UBR1: variants seen among roughly 807,000 people sequenced by gnomAD.
The protein encoded by UBR1 is ubiquitin protein ligase E3 component n-recognin 1.
In UBR1, 102 loss-of-function variants were observed where a neutral mutation model predicts 242.1. The ratio of observed to expected loss-of-function variants is 0.42; its 90% CI spans 0.36 to 0.50. UBR1 has a LOEUF of 0.50. Ranked by LOEUF, UBR1 falls within the 20% of genes least tolerant of loss-of-function variation. The probability of loss-of-function intolerance (pLI) is 0.01; values close to 1 mark genes in which losing one functional copy is unlikely to be tolerated. For synonymous variants in UBR1, 675 were observed against 684.8 expected (o/e 0.99, Z 0.22); for missense variants, 1,772 against 2,101.8 (o/e 0.84, Z 3.07).
rs1193968504 is a variant in UBR1 at position 43,036,587 on chromosome 15, A to G, written c.2029T>C (p.Tyr677His). The change falls in exon 18 of 47, where the codon TAT becomes CAT. Residue 677 changes from tyrosine (Y) to histidine (H), a missense_variant. Tyr to His is a moderately conservative substitution (Grantham distance 83, BLOSUM62 2). This residue lies in a region of UBR1 where 734 missense variants were observed against 893.3 expected (regional missense o/e 0.82). Coordinates refer to ENST00000290650, the MANE Select transcript of UBR1 (RefSeq NM_174916.3). Reference protein sequence around the residue: ...NGLSLISQVFYYQDVKCREEM... With the variant: ...NGLSLISQVFHYQDVKCREEM... The stretch of plus-strand genomic sequence containing the variant: ...TCTCTGCACTTAACATCTTGGTAAT[A>G]AAACACCTATAAGGTAATAGGTAGA... 1 of 1,575,272 alleles carries G rather than the reference A, an allele frequency of 6.3e-7. No individual in the cohort carries two copies. Among genetic ancestry groups the G allele is most frequent in the Admixed American group, 1.7e-5 (1 of 59,944 alleles).
intron 1 of UBR1, among the ~76,000 whole-genome samples, chr15:43,100,604 A>G (rs1370385982): frequency 6.6e-6 from 1 of 152,186 alleles, no homozygotes; most frequent in Admixed American, 6.5e-5. Context: ...TGGGAGGCTG[A>G]GGCAGATGGA....
chr15:42,996,427 T>C (rs547704464), intron 33 of UBR1, among the ~76,000 whole-genome samples: 1 of 151,992 alleles, frequency 6.6e-6, no homozygotes, highest in Non-Finnish European at 1.5e-5. Context: ...CGAGACCTTG[T>C]CTCTACAAAA....
At chr15:42,950,123 G>C in intron 46 of UBR1, 139 bp downstream of exon 46, 1 of 816,194 alleles carries the variant, frequency 1.2e-6, no homozygotes, top group Non-Finnish European at 2.1e-6. Flanking sequence ...ACAGGTATAA[G>C]CCACGGTGTC....
chr15:43,022,130 A>G (rs148704493), intron 26 of UBR1, among the ~76,000 whole-genome samples: 490 of 152,300 alleles, frequency 3.2e-3, no homozygotes, highest in African/African-American at 0.011. Flanking sequence ...GGATCTAAAA[A>G]ATACAGCATG....
At chr15:43,058,977 T>A in intron 9 of UBR1, 108 bp downstream of exon 9, 2 of 884,594 alleles carry the variant, frequency 2.3e-6, no homozygotes, top group Non-Finnish European at 3.7e-6. Flanking sequence ...TCAATCAAGA[T>A]TACAGATTTA....
At chr15:42,963,439 G>T (rs1364671429) in intron 42 of UBR1, among the ~76,000 whole-genome samples, 1 of 151,976 alleles carries the variant, frequency 6.6e-6, no homozygotes, top group East Asian at 1.9e-4. Context: ...GCACAAGAGG[G>T]CCAGTAACCA....
chr15:43,008,169 C>T (rs1485821980), intron 29 of UBR1, among the ~76,000 whole-genome samples: 3 of 152,232 alleles, frequency 2.0e-5, no homozygotes, highest in Admixed American at 6.5e-5. Flanking sequence ...GCAGTGGAGG[C>T]GTGGCTGGGG....
intron 31 of UBR1, among the ~76,000 whole-genome samples, chr15:43,002,905 A>G (rs981536073): frequency 6.6e-6 from 1 of 152,260 alleles, no homozygotes; most frequent in African/African-American, 2.4e-5. Context: ...ATTGGAAAAT[A>G]CATCAGAGCA....
intron 14 of UBR1, 68 bp from the exon 15 acceptor site, chr15:43,043,463 G>C: frequency 4.1e-6 from 6 of 1,475,106 alleles, no homozygotes; most frequent in Non-Finnish European, 5.7e-6. Flanking sequence ...GTTTTGTTTT[G>C]AGACAGCCTG....
intron 29 of UBR1, among the ~76,000 whole-genome samples, chr15:43,012,536 T>C (rs1334935770): frequency 6.6e-6 from 1 of 152,188 alleles, no homozygotes; most frequent in Non-Finnish European, 1.5e-5. Context: ...AAAAATCACA[T>C]GTCCAATTAA....
chr15:42,989,992 A>G (rs757639929), intron 34 of UBR1, 38 bp downstream of exon 34: 2 of 1,460,776 alleles, frequency 1.4e-6, no homozygotes, highest in African/African-American at 1.4e-5. Context: ...TATTTTCACA[A>G]TCATTTACAA....
At chr15:43,027,668 T>C in intron 22 of UBR1, 108 bp downstream of exon 22, 1 of 968,896 alleles carries the variant, frequency 1.0e-6, no homozygotes, top group Non-Finnish European at 1.6e-6. Flanking sequence ...ATTCCACTCT[T>C]ATTCTTGGGA....
Position 43,088,501 on chromosome 15 carries a change from C to CT in UBR1, c.82-2262dup, listed in dbSNP as rs957542912. On this transcript the variant is annotated intron_variant, in intron 1 of 46. Coordinates refer to ENST00000290650, the MANE Select transcript of UBR1 (RefSeq NM_174916.3). Reference sequence around the variant, plus strand: ...CAACACATTTGGGCTTTCTTTCTTTCTTTTTTTTTTTGAGATGAAATTTCG... The same window carrying CT: ...CAACACATTTGGGCTTTCTTTCTTTCTTTTTTTTTTTTGAGATGAAATTTCG... Among the ~76,000 whole-genome samples, 426 of 146,268 alleles carry CT rather than the reference C, an allele frequency of 2.9e-3. 1 individual carries two copies. Among genetic ancestry groups the CT allele is most frequent in the Middle Eastern group, 0.028 (8 of 284 alleles).
At chr15:42,977,380 C>G (rs552017189) in intron 38 of UBR1, among the ~76,000 whole-genome samples, 1 of 152,254 alleles carries the variant, frequency 6.6e-6, no homozygotes, top group African/African-American at 2.4e-5. Context: ...ACTGCTTTCT[C>G]TACGGAACTT....
At position 43,067,822 on chromosome 15, in the gene UBR1, G is replaced by A. The variant is rs975578873; in HGVS notation, c.798+76C>T. On this transcript the variant is annotated intron_variant, in intron 6 of 46. Coordinates refer to ENST00000290650, the MANE Select transcript of UBR1 (RefSeq NM_174916.3). The stretch of plus-strand genomic sequence containing the variant: ...ATGGTCAGACCTAGCACAATACTGA[G>A]CAAGGGCTCAGTCAACATCTGGCTG... 5.0e-5 allele frequency: 79 copies of A among 1,583,518 alleles called. No homozygotes were observed. The South Asian group carries it at 8.4e-4, about 17-fold the overall frequency.
At position 43,025,422 on chromosome 15, in the gene UBR1, T is replaced by A; in HGVS notation, c.2543A>T (p.His848Leu). ...TTGTTTTCTCCTTTTCTTCTGCATA[T>A]GTTCAGCCTATAAAAAAATCTATCA... is the stretch of plus-strand genomic sequence containing the variant. ...YSKTQHSKAE[H>L]MQKKRRKQEN... Residue 848 changes from histidine (H) to leucine (L), a missense_variant, in exon 24 of 47, where the codon CAT (histidine) becomes CTT (leucine). By Grantham distance (99) the His-to-Leu change is moderately conservative. This residue lies in a region of UBR1 where 965 missense variants were observed against 1,079.7 expected (regional missense o/e 0.89). Coordinates refer to ENST00000290650, the MANE Select transcript of UBR1 (RefSeq NM_174916.3). 2 of 1,606,310 alleles carry A rather than the reference T, an allele frequency of 1.2e-6. No homozygotes were observed. Among genetic ancestry groups the A allele is most frequent in the Middle Eastern group, 1.7e-4 (1 of 5,890 alleles).
intron 8 of UBR1, 48 bp from the exon 9 acceptor site, chr15:43,059,240 T>C: frequency 6.5e-7 from 1 of 1,544,044 alleles, no homozygotes; most frequent in Non-Finnish European, 8.9e-7. Flanking sequence ...ATTCTTTTTC[T>C]TTTTAAATAG....
chr15:42,984,288 T>C (rs142867747), intron 36 of UBR1, among the ~76,000 whole-genome samples: 180 of 152,322 alleles, frequency 1.2e-3, no homozygotes, highest in Middle Eastern at 3.4e-3. Flanking sequence ...GTACCACAAG[T>C]CTTCTAGTCT....
At chr15:42,973,131 A>T (rs902579158) in intron 39 of UBR1, among the ~76,000 whole-genome samples, 6 of 152,300 alleles carry the variant, frequency 3.9e-5, no homozygotes, top group African/African-American at 1.4e-4. Flanking sequence ...CCATCTGTAT[A>T]TCTTCTGTGG....
Sources: gnomAD v4.1 joint callset for allele counts (sites outside exome capture counted in the v4.1 genomes callset) on GRCh38, gnomAD v4.1.1 for gene constraint, gnomAD v4.1.1 regional missense constraint, MANE v1.5 for transcripts, NCBI Gene and HGNC (gene_info 2026-07-23, HGNC 2026-07-21) for gene names.